SCAI: variants seen among roughly 807,000 people sequenced by gnomAD.
The protein encoded by SCAI is suppressor of cancer cell invasion.
SCAI carries 24 observed loss-of-function variants against 92.2 expected under a neutral mutation model. That is an observed-to-expected ratio of 0.26 (90% CI 0.19 to 0.37). The LOEUF (loss-of-function observed/expected upper bound fraction) is 0.37. Among genes scored for constraint, SCAI ranks in the 10% least tolerant of loss-of-function variants. The probability of loss-of-function intolerance (pLI) is 1.00; values close to 1 mark genes in which losing one functional copy is unlikely to be tolerated. For missense variants in SCAI, 450 were observed against 736.2 expected (o/e 0.61, Z 4.50); for synonymous variants, 261 against 258.6 (o/e 1.01, Z -0.09).
At chr9:125,052,334 G>C (rs1456009140) in intron 3 of SCAI, among the ~76,000 whole-genome samples, 1 of 152,150 alleles carries the variant, frequency 6.6e-6, no homozygotes, top group Non-Finnish European at 1.5e-5. Flanking sequence ...ACTTTGGGAG[G>C]TCGAGGCGGG....
At chr9:125,109,689 C>G (rs111993163) in intron 2 of SCAI, among the ~76,000 whole-genome samples, 13 of 148,510 alleles carry the variant, frequency 8.8e-5, no homozygotes, top group African/African-American at 3.2e-4. Flanking sequence ...ATCTATCTAT[C>G]TATGTATTTA....
chr9:125,133,395 A>C (rs1052090959), intron 2 of SCAI, among the ~76,000 whole-genome samples: 15 of 149,602 alleles, frequency 1.0e-4, no homozygotes, highest in African/African-American at 3.2e-4. Context: ...TCTCAAAAAC[A>C]AAAAAAAAAG....
At chr9:125,038,560 G>A (rs1833249823) in intron 3 of SCAI, among the ~76,000 whole-genome samples, 1 of 152,164 alleles carries the variant, frequency 6.6e-6, no homozygotes, top group Non-Finnish European at 1.5e-5. Context: ...TCCAAATGCT[G>A]TAAAATGTTT....
chr9:125,120,053 G>A (rs976527688), intron 2 of SCAI, among the ~76,000 whole-genome samples: 2 of 152,154 alleles, frequency 1.3e-5, no homozygotes, highest in African/African-American at 4.8e-5. Flanking sequence ...ACTGGTAAAG[G>A]CATTTACAAA....
intron 2 of SCAI, among the ~76,000 whole-genome samples, chr9:125,063,004 G>A (rs1588189276): frequency 1.6e-5 from 2 of 121,496 alleles, no homozygotes; most frequent in East Asian, 4.7e-4. Flanking sequence ...TGGTGTCAGA[G>A]TGAGACTCCG....
intron 2 of SCAI, among the ~76,000 whole-genome samples, chr9:125,069,142 C>T (rs1178035355): frequency 6.6e-6 from 1 of 151,612 alleles, no homozygotes; most frequent in African/African-American, 2.4e-5. Flanking sequence ...CACTTTAACC[C>T]GAGAGGCAGA....
intron 17 of SCAI, among the ~76,000 whole-genome samples, chr9:124,963,413 C>T (rs894097771): frequency 1.3e-5 from 2 of 152,082 alleles, no homozygotes; most frequent in South Asian, 2.1e-4. Context: ...GGATTACAGG[C>T]GTGAGCCACA....
At chr9:125,056,930 C>T (rs533734681) in intron 2 of SCAI, among the ~76,000 whole-genome samples, 2 of 152,074 alleles carry the variant, frequency 1.3e-5, no homozygotes, top group African/African-American at 2.4e-5. Flanking sequence ...CACACACAGA[C>T]GTATATTAAA....
At chr9:124,997,396 T>C (rs1245766439) in intron 13 of SCAI, among the ~76,000 whole-genome samples, 2 of 152,138 alleles carry the variant, frequency 1.3e-5, no homozygotes, top group African/African-American at 4.8e-5. Context: ...TATTCCAAAA[T>C]CTGGAAAAAT....
chr9:124,994,740 G>A (rs1034974140), intron 14 of SCAI, among the ~76,000 whole-genome samples, 194 bp downstream of exon 14: 1 of 152,038 alleles, frequency 6.6e-6, no homozygotes, highest in African/African-American at 2.4e-5. Context: ...GTCCATTCAT[G>A]CGTTTTCTTC....
At chr9:125,032,902 C>A (rs1340873261) in intron 3 of SCAI, among the ~76,000 whole-genome samples, 1 of 152,144 alleles carries the variant, frequency 6.6e-6, no homozygotes, top group Non-Finnish European at 1.5e-5. Flanking sequence ...CAGGTGTGAG[C>A]CACTGCGCCC....
intron 2 of SCAI, among the ~76,000 whole-genome samples, chr9:125,085,007 G>A (rs972543599): frequency 2.6e-5 from 4 of 152,290 alleles, no homozygotes; most frequent in African/African-American, 9.6e-5. Context: ...CATTTGTATG[G>A]AGGATAATGA....
chr9:124,986,165 C>T (rs2131607878), intron 14 of SCAI, among the ~76,000 whole-genome samples: 2 of 152,106 alleles, frequency 1.3e-5, no homozygotes, highest in East Asian at 3.9e-4. Context: ...GTGGCGGGCA[C>T]CTGCAGTCCC....
intron 2 of SCAI, among the ~76,000 whole-genome samples, chr9:125,084,253 C>T (rs1208841008): frequency 1.4e-5 from 2 of 144,058 alleles, no homozygotes; most frequent in African/African-American, 5.2e-5. Context: ...TCACTGCAAG[C>T]TCCGCCTCCC....
At chr9:125,088,095 T>A (rs1452259311) in intron 2 of SCAI, among the ~76,000 whole-genome samples, 1 of 151,944 alleles carries the variant, frequency 6.6e-6, no homozygotes, top group East Asian at 1.9e-4. Flanking sequence ...CTCAACTGTT[T>A]TGTTTTGTTT....
chr9:125,052,520 G>A (rs534891199), intron 3 of SCAI, among the ~76,000 whole-genome samples: 3 of 152,028 alleles, frequency 2.0e-5, no homozygotes, highest in East Asian at 1.9e-4. Flanking sequence ...CAGGAGAATC[G>A]CTTGGAGGCA....
chr9:125,059,183 C>T (rs1588185811), intron 2 of SCAI, among the ~76,000 whole-genome samples: 1 of 152,162 alleles, frequency 6.6e-6, no homozygotes, highest in South Asian at 2.1e-4. Flanking sequence ...AAGTCCCATG[C>T]GATGAGAAGT....
At chr9:124,985,996 A>G (rs2131607627) in intron 14 of SCAI, among the ~76,000 whole-genome samples, 1 of 152,148 alleles carries the variant, frequency 6.6e-6, no homozygotes, top group Middle Eastern at 3.4e-3. Flanking sequence ...AAACTATAAA[A>G]AGGGCAATGG....
chr9:124,985,023 G>T (rs190266355), intron 14 of SCAI, among the ~76,000 whole-genome samples: 288 of 152,256 alleles, frequency 1.9e-3, no homozygotes, highest in South Asian at 5.6e-3. Flanking sequence ...TCTGGAAAAG[G>T]GGACAAATGT....
Sources: gnomAD v4.1 joint callset for allele counts (sites outside exome capture counted in the v4.1 genomes callset) on GRCh38, gnomAD v4.1.1 for gene constraint, MANE v1.5 for transcripts, NCBI Gene and HGNC (gene_info 2026-07-23, HGNC 2026-07-21) for gene names.